Variants in NAPSA observed in about 807,000 individuals in gnomAD.
NAPSA encodes napsin A aspartic peptidase.
A neutral mutation model predicts 36.7 loss-of-function variants in NAPSA; 37 were observed. The ratio of observed to expected loss-of-function variants is 1.01; its 90% CI spans 0.78 to 1.33. The LOEUF (loss-of-function observed/expected upper bound fraction) is 1.33, where lower values mean the gene tolerates loss of function less well. NAPSA is among the 40% of genes most tolerant of loss of function. The probability of loss-of-function intolerance (pLI) is 0.00; values close to 1 mark genes in which losing one functional copy is unlikely to be tolerated. For synonymous variants in NAPSA, 222 were observed against 234.5 expected (o/e 0.95, Z 0.49); for missense variants, 532 against 543.8 (o/e 0.98, Z 0.21).
Position 50,359,027 on chromosome 19 carries a change from T to C in NAPSA, c.1019A>G (p.His340Arg), listed in dbSNP as rs1222835058. ...GCCACCTACCTGGATGACGTAATCA[T>C]GGGCCGTGAGGTTAAACCAGACCCC... The part of the protein sequence containing the change: ...LGGVWFNLTA[H>R]DYVIQTTRNG... Residue 340 changes from histidine (H) to arginine (R), a missense_variant, in exon 8 of 9, where the codon CAT (histidine) becomes CGT (arginine). His to Arg is a conservative substitution (Grantham distance 29). Transcript: ENST00000253719. 9.3e-6 allele frequency: 15 copies of C among 1,613,924 alleles called. No individual in the cohort carries two copies. The highest frequency in any genetic ancestry group is 1.3e-5 in the Non-Finnish European group (15 of 1,179,834).
At chr19:50,361,834 A>G in intron 3 of NAPSA, 53 bp from the exon 4 acceptor site, 2 of 1,602,636 alleles carry the variant, frequency 1.2e-6, no homozygotes, top group East Asian at 2.2e-5. Context: ...CCCAGTGCCT[A>G]CTGCCCCTTT....
chr19:50,365,527 G>A lies in NAPSA; in HGVS notation c.83+12C>T, dbSNP rs1396513749. The A allele has an allele frequency of 3.1e-6, 5 of 1,610,698 alleles. No individual in the cohort carries two copies. Among genetic ancestry groups the A allele is most frequent in the Non-Finnish European group, 2.5e-6 (3 of 1,177,726 alleles). ...CCTCCTAAGGTTGGGGTGGTAGATG[G>A]GGTCACCATACCGGATCAGTGTGGC... On this transcript the variant is annotated intron_variant, in intron 1 of 8. Coordinates refer to ENST00000253719, the MANE Select transcript of NAPSA (RefSeq NM_004851.3).
chr19:50,359,172 C>A, intron 7 of NAPSA, 63 bp from the exon 8 acceptor site: 1 of 1,401,340 alleles, frequency 7.1e-7, no homozygotes, highest in Non-Finnish European at 1.0e-6. Flanking sequence ...CCTTCCGTGG[C>A]TCCCCAGTGC....
chr19:50,361,482 G>A (rs2037472434), intron 4 of NAPSA, 181 bp downstream of exon 4: 1 of 625,694 alleles, frequency 1.6e-6, no homozygotes, highest in Non-Finnish European at 2.8e-6. Context: ...CACCCAGGAA[G>A]CCCCTCCCCC....
Position 50,358,700 on chromosome 19 carries a change from G to A in NAPSA, c.1116C>T (p.Ile372=), listed in dbSNP as rs1364899699. 9 of 1,613,548 alleles carry A rather than the reference G, an allele frequency of 5.6e-6. No homozygotes were observed. The South Asian group carries it at 6.6e-5, about 12-fold the overall frequency. ...ACGTCCCCAAGAAGACGTCACCGAG[G>A]ATCCAGAAGGGCCCTGCAGGCGGAG... ...DVPPPAGPFW[I]LGDVFLGTYV... Residue 372 remains isoleucine, a synonymous_variant, in exon 9 of 9, where the codon ATC becomes ATT. Transcript: ENST00000253719.
chr19:50,358,864 C>T (rs1479886403), intron 8 of NAPSA, 84 bp from the exon 9 acceptor site: 6 of 1,393,748 alleles, frequency 4.3e-6, no homozygotes, highest in Non-Finnish European at 5.9e-6. Context: ...CCCCCACCCT[C>T]GGGTTCTTTG....
chr19:50,366,871 T>C (rs1271439443), upstream of NAPSA, among the ~76,000 whole-genome samples: 1 of 151,596 alleles, frequency 6.6e-6, no homozygotes, highest in Non-Finnish European at 1.5e-5. Flanking sequence ...TTCACTCTTA[T>C]TGCCTAGGCT....
At chr19:50,360,547 C>T (rs983035762) in intron 5 of NAPSA, among the ~76,000 whole-genome samples, 1 of 152,082 alleles carries the variant, frequency 6.6e-6, no homozygotes, top group African/African-American at 2.4e-5. Flanking sequence ...TCGGGCAATT[C>T]CTGACTTCTG....
chr19:50,364,646 G>A (rs1458135278), intron 1 of NAPSA, among the ~76,000 whole-genome samples: 1 of 148,972 alleles, frequency 6.7e-6, no homozygotes, highest in Non-Finnish European at 1.5e-5. Flanking sequence ...GTCCTGAGAG[G>A]AGGGGGAGGG....
At position 50,365,574 on chromosome 19, in the gene NAPSA, C is replaced by T. The variant is rs1601129840; in HGVS notation, c.48G>A (p.Leu16=). 9 of 1,613,520 alleles carry T rather than the reference C, an allele frequency of 5.6e-6. No individual in the cohort carries two copies. The East Asian group carries it at 2.0e-4, about 36-fold the overall frequency. The change falls in exon 1 of 9, where the codon CTG becomes CTA. Residue 16 remains leucine, a synonymous_variant. Coordinates refer to ENST00000253719, the MANE Select transcript of NAPSA (RefSeq NM_004851.3). ...TGGCCCCGGAAGGCTCCACATTCAG[C>T]AGAGGCAGCAGCAGCAGCAGGGGTT... The part of the protein sequence containing the change: ...LLQPLLLLLP[L]LNVEPSGATL...
chr19:50,362,363 C>CT, intron 1 of NAPSA, 50 bp from the exon 2 acceptor site: 1 of 1,525,914 alleles, frequency 6.6e-7, no homozygotes, highest in Non-Finnish European at 8.9e-7. Context: ...TGGAGAACCT[C>CT]TAAATAGACT....
At chr19:50,364,961 C>T (rs2037525915) in intron 1 of NAPSA, among the ~76,000 whole-genome samples, 1 of 149,132 alleles carries the variant, frequency 6.7e-6, no homozygotes. Context: ...CACTGCACTC[C>T]AGCCTGGGTA....
Position 50,358,646 on chromosome 19 carries a change from C to G in NAPSA, c.1170G>C (p.Met390Ile), listed in dbSNP as rs372912000. 6 of 1,612,984 alleles carry G rather than the reference C, an allele frequency of 3.7e-6. No homozygotes were observed. The African/African-American group carries it at 6.7e-5, about 18-fold the overall frequency. ...CCAGGCCCACCCGGGCGCTGCTCTTCATGTCCCCGCGGTCGAAGACGGCCA... is the reference window on the plus strand; with the variant it reads ...CCAGGCCCACCCGGGCGCTGCTCTTGATGTCCCCGCGGTCGAAGACGGCCA... ...TYVAVFDRGD[M>I]KSSARVGLAR... Residue 390 changes from methionine (M) to isoleucine (I), a missense_variant, in exon 9 of 9, where the codon ATG becomes ATC. This residue lies in a region of NAPSA where 385 missense variants were observed against 371.5 expected (regional missense o/e 1.04). Coordinates refer to ENST00000253719, the MANE Select transcript of NAPSA (RefSeq NM_004851.3).
At chr19:50,360,719 C>T (rs1412548898) in intron 5 of NAPSA, among the ~76,000 whole-genome samples, 1 of 152,122 alleles carries the variant, frequency 6.6e-6, no homozygotes, top group African/African-American at 2.4e-5. Context: ...GTCATTTAAG[C>T]TCTGGGACTT....
intron 5 of NAPSA, among the ~76,000 whole-genome samples, chr19:50,360,363 G>T (rs1219869929): frequency 1.3e-5 from 2 of 152,174 alleles, no homozygotes; most frequent in Non-Finnish European, 2.9e-5. Flanking sequence ...TGGTAGAACT[G>T]CTAGAGTGGG....
Position 50,362,201 on chromosome 19 carries a change from T to C in NAPSA, c.196A>G (p.Ile66Val). 6.2e-7 allele frequency: 1 copy of C among 1,613,938 alleles called. No individual in the cohort carries two copies. The highest frequency in any genetic ancestry group is 8.5e-7 in the Non-Finnish European group (1 of 1,179,906). ...CTGTAGTTCGAGAGAGGTACGAAGA[T>C]GGGCTTGTCCCCAGGGGATGGGGCC... ...LGAPSPGDKPIFVPLSNYRDV... is the reference protein window; with the variant it reads ...LGAPSPGDKPVFVPLSNYRDV... The change falls in exon 2 of 9, where the codon ATC becomes GTC. Residue 66 changes from isoleucine to valine, a missense_variant. By Grantham distance (29) the Ile-to-Val change is conservative (BLOSUM62 3). Around this residue, in one of 3 missense-constraint regions of NAPSA, gnomAD observed 102 missense variants for 93.6 expected, o/e 1.09. Transcript: ENST00000253719.
chr19:50,359,110 C>T lies in NAPSA; in HGVS notation c.937-1G>A, dbSNP rs775480022. The T allele has an allele frequency of 6.2e-7, 1 of 1,611,160 alleles. No individual in the cohort carries two copies. The highest frequency in any genetic ancestry group is 2.2e-5 in the East Asian group (1 of 44,864). On this transcript the variant is annotated splice_acceptor_variant, in intron 7 of 8. Transcript: ENST00000253719. LOFTEE classifies it high-confidence loss of function. ...GGATTTCCGAGCACAGGATGATGTA[C>T]TGGGGGAGAAGAGGAACTAGTGAAG...
intron 1 of NAPSA, 114 bp downstream of exon 1, chr19:50,365,425 T>C: frequency 1.1e-6 from 1 of 941,416 alleles, no homozygotes; most frequent in Admixed American, 2.0e-5. Flanking sequence ...AGAAAGAAGC[T>C]CTAGGGATCC....
intron 8 of NAPSA, 86 bp from the exon 9 acceptor site, chr19:50,358,866 G>T: frequency 7.2e-7 from 1 of 1,386,956 alleles, no homozygotes; most frequent in African/African-American, 1.4e-5. Flanking sequence ...CCCACCCTCG[G>T]GTTCTTTGAT....
Sources: allele counts gnomAD v4.1 joint callset (sites outside exome capture counted in the v4.1 genomes callset), GRCh38; gene constraint gnomAD v4.1.1; regional missense constraint gnomAD v4.1.1; transcripts MANE v1.5; gene names NCBI Gene and HGNC (gene_info 2026-07-23, HGNC 2026-07-21).